Variants in KCNJ6 observed in about 807,000 individuals in gnomAD.
The protein encoded by KCNJ6 is G protein-activated inward rectifier potassium channel 2.
In KCNJ6, 9 loss-of-function variants were observed where a neutral mutation model predicts 34.2. The observed-to-expected ratio is 0.26, with a 90% CI of 0.16 to 0.46. The LOEUF is 0.46. Among genes scored for constraint, KCNJ6 ranks in the 20% least tolerant of loss-of-function variants. The probability of loss-of-function intolerance (pLI) is 1.00; values close to 1 mark genes in which losing one functional copy is unlikely to be tolerated. For missense variants in KCNJ6, 236 were observed against 531.3 expected (o/e 0.44, Z 5.46); for synonymous variants, 196 against 207.1 (o/e 0.95, Z 0.46).
At chr21:37,658,467 C>T (rs549607863) in intron 3 of KCNJ6, among the ~76,000 whole-genome samples, 1 of 152,344 alleles carries the variant, frequency 6.6e-6, no homozygotes, top group South Asian at 2.1e-4. Context: ...TTGCAGCAAG[C>T]AGGCTAAGCG....
intron 2 of KCNJ6, among the ~76,000 whole-genome samples, chr21:37,778,767 C>T (rs990992626): frequency 3.3e-5 from 5 of 151,768 alleles, no homozygotes; most frequent in Non-Finnish European, 5.9e-5. Context: ...ATGTTCCCAT[C>T]TCCTGTACCC....
At chr21:37,870,643 T>C (rs1482294106) in intron 1 of KCNJ6, among the ~76,000 whole-genome samples, 1 of 151,606 alleles carries the variant, frequency 6.6e-6, no homozygotes, top group Non-Finnish European at 1.5e-5. Flanking sequence ...TAAAACCAAC[T>C]GTAAATCATT....
chr21:37,773,526 C>T (rs74864066), intron 2 of KCNJ6, among the ~76,000 whole-genome samples: 4,709 of 152,164 alleles, frequency 0.031, 253 homozygotes, highest in African/African-American at 0.11. Flanking sequence ...CCCCTTTCCT[C>T]CCCAGACAAC....
At position 37,687,251 on chromosome 21, in the gene KCNJ6, G is replaced by A. The variant is rs181859403; in HGVS notation, c.946+26960C>T. Among the ~76,000 whole-genome samples, 552 of 152,224 alleles carry A rather than the reference G, an allele frequency of 3.6e-3. 3 individuals are homozygous for A. Among genetic ancestry groups the A allele is most frequent in the Non-Finnish European group, 6.4e-3 (434 of 68,002 alleles). ...GCGTCCCAGCCGGTATCTCAGCAAC[G>A]CGGGGTTACAGGCCGCAGGATGAGT... On this transcript the variant is annotated intron_variant, in intron 3 of 3. Coordinates refer to ENST00000609713, the MANE Select transcript of KCNJ6 (RefSeq NM_002240.5).
At chr21:37,776,809 C>A (rs1448474595) in intron 2 of KCNJ6, among the ~76,000 whole-genome samples, 8 of 152,118 alleles carry the variant, frequency 5.3e-5, no homozygotes, top group Admixed American at 2.6e-4. Context: ...CTAAAATTCT[C>A]TTTTTTTGTT....
At chr21:37,712,625 T>TTCCTCCC (rs2054763787) in intron 3 of KCNJ6, among the ~76,000 whole-genome samples, 1 of 93,684 alleles carries the variant, frequency 1.1e-5, no homozygotes, top group African/African-American at 6.3e-5. Context: ...CTCTCCCTCC[T>TTCCTCCC]CTTCCCTCCC....
At chr21:37,907,077 C>T (rs2055845388) in intron 1 of KCNJ6, among the ~76,000 whole-genome samples, 2 of 152,218 alleles carry the variant, frequency 1.3e-5, no homozygotes, top group African/African-American at 4.8e-5. Flanking sequence ...CTCTGCCTAA[C>T]TCGTCATGGA....
At chr21:37,770,807 G>A (rs1258756037) in intron 2 of KCNJ6, among the ~76,000 whole-genome samples, 1 of 151,974 alleles carries the variant, frequency 6.6e-6, no homozygotes, top group Non-Finnish European at 1.5e-5. Context: ...ATTTTGAGGG[G>A]ATATATTTGT....
At chr21:37,642,014 G>A (rs1483716496) in intron 3 of KCNJ6, among the ~76,000 whole-genome samples, 1 of 152,218 alleles carries the variant, frequency 6.6e-6, no homozygotes, top group East Asian at 1.9e-4. Flanking sequence ...CGGATGGATG[G>A]TGGTGCCACT....
chr21:37,849,445 G>A (rs2055526642), intron 1 of KCNJ6, among the ~76,000 whole-genome samples: 1 of 152,158 alleles, frequency 6.6e-6, no homozygotes. Flanking sequence ...CAAGAGGAAA[G>A]GGAACAGATG....
chr21:37,664,672 C>G (rs1187392057), intron 3 of KCNJ6, among the ~76,000 whole-genome samples: 4 of 151,668 alleles, frequency 2.6e-5, no homozygotes, highest in Admixed American at 6.6e-5. Context: ...GAAATGAAAT[C>G]AGTAGTTAAA....
At chr21:37,859,652 TAA>T (rs1409140981) in intron 1 of KCNJ6, among the ~76,000 whole-genome samples, 1 of 151,214 alleles carries the variant, frequency 6.6e-6, no homozygotes, top group Non-Finnish European at 1.5e-5. Flanking sequence ...GTGGTAGGGA[TAA>T]AGTGATGATT....
chr21:37,890,571 C>T (rs2055757388), intron 1 of KCNJ6, among the ~76,000 whole-genome samples: 1 of 152,336 alleles, frequency 6.6e-6, no homozygotes, highest in African/African-American at 2.4e-5. Context: ...GCTGACCTGC[C>T]TTCAGCTGCA....
intron 2 of KCNJ6, among the ~76,000 whole-genome samples, chr21:37,809,174 C>A (rs998929448): frequency 1.1e-4 from 16 of 152,092 alleles, no homozygotes; most frequent in African/African-American, 2.4e-4. Context: ...GCACATATAC[C>A]CCATGGAATA....
At chr21:37,691,570 C>T (rs983944506) in intron 3 of KCNJ6, among the ~76,000 whole-genome samples, 12 of 152,212 alleles carry the variant, frequency 7.9e-5, no homozygotes, top group Admixed American at 5.9e-4. Flanking sequence ...TGTCCCGTAT[C>T]TTCCTGATTC....
At chr21:37,803,791 T>C (rs1006499665) in intron 2 of KCNJ6, among the ~76,000 whole-genome samples, 6 of 152,174 alleles carry the variant, frequency 3.9e-5, no homozygotes, top group Non-Finnish European at 7.3e-5. Flanking sequence ...CCTACGTCTG[T>C]TTCTCTCTTG....
chr21:37,653,667 A>G (rs890395642), intron 3 of KCNJ6, among the ~76,000 whole-genome samples: 3 of 152,228 alleles, frequency 2.0e-5, no homozygotes, highest in Non-Finnish European at 4.4e-5. Context: ...TGTTTGATAC[A>G]TTTCATAGGC....
chr21:37,863,856 TTTTG>T lies in KCNJ6; in HGVS notation c.-27-23151_-27-23148del, dbSNP rs1354153805. Among the ~76,000 whole-genome samples, 97 of 114,468 alleles carry T rather than the reference TTTTG, an allele frequency of 8.5e-4. 14 individuals carry two copies. Among genetic ancestry groups the T allele is most frequent in the East Asian group, 2.7e-3 (10 of 3,772 alleles). 75.1% of individuals were successfully genotyped at this position (114,468 alleles called of 152,430 possible). A position where few individuals can be genotyped will look rare whatever the true frequency, so the allele number is the denominator to read the frequency against. On this transcript the variant is annotated intron_variant, in intron 1 of 3. Coordinates refer to ENST00000609713, the MANE Select transcript of KCNJ6 (RefSeq NM_002240.5). ...TTTTAAAATATAAAGGTTTTTTTTTTTTTGTTTTTTTTTTTTTTTGGTGAAGAGA... is the reference window on the plus strand; with the variant it reads ...TTTTAAAATATAAAGGTTTTTTTTTTTTTTTTTTTTTTTTTGGTGAAGAGA...
At chr21:37,828,973 T>C (rs2055412190) in intron 2 of KCNJ6, among the ~76,000 whole-genome samples, 1 of 152,224 alleles carries the variant, frequency 6.6e-6, no homozygotes, top group Non-Finnish European at 1.5e-5. Context: ...TTGTTTGCTC[T>C]CTGAGGGTGC....
Sources: gnomAD v4.1 joint callset for allele counts (sites outside exome capture counted in the v4.1 genomes callset) on GRCh38, gnomAD v4.1.1 for gene constraint, MANE v1.5 for transcripts, NCBI Gene and HGNC (gene_info 2026-07-23, HGNC 2026-07-21) for gene names.